RBFOX1: variants seen among roughly 807,000 people sequenced by gnomAD.
RBFOX1 encodes RNA binding fox-1 homolog 1, also known as RNA binding protein fox-1 homolog 1.
In RBFOX1, 8 loss-of-function variants were observed where a neutral mutation model predicts 57.7. The observed-to-expected ratio is 0.14, with a 90% CI of 0.08 to 0.25. RBFOX1 has a LOEUF of 0.25. RBFOX1 is among the 10% of genes least tolerant of loss of function. RBFOX1 has a pLI of 1.00. For missense variants in RBFOX1, 611 were observed against 548.5 expected (o/e 1.11, Z -1.14); for synonymous variants, 326 against 222.4 (o/e 1.47, Z -4.15).
At chr16:5,915,724 C>A (rs1230051673) in intron 4 of RBFOX1, among the ~76,000 whole-genome samples, 1 of 152,030 alleles carries the variant, frequency 6.6e-6, no homozygotes, top group Non-Finnish European at 1.5e-5. Flanking sequence ...CTCAGCTACT[C>A]CGGAGGCTGA....
intron 3 of RBFOX1, among the ~76,000 whole-genome samples, chr16:6,941,382 T>A (rs963077202): frequency 6.7e-6 from 1 of 148,434 alleles, no homozygotes; most frequent in Non-Finnish European, 1.5e-5. Context: ...GCAAGTAGAT[T>A]AGCCGTGTGG....
chr16:5,999,867 CAAAAAAAAAAAAAAAAA>C (rs869221577), intron 4 of RBFOX1, among the ~76,000 whole-genome samples: 22 of 27,664 alleles, frequency 8.0e-4, no homozygotes, highest in East Asian at 4.2e-3. Context: ...GACTCCACCT[CAAAAAAAAAAAAAAAAA>C]AAAAAAAAAA....
intron 2 of RBFOX1, among the ~76,000 whole-genome samples, chr16:6,632,351 G>C (rs563976394): frequency 1.3e-5 from 2 of 152,012 alleles, no homozygotes. Context: ...AAAAAAAAAG[G>C]TCTGAACTTG....
intron 4 of RBFOX1, among the ~76,000 whole-genome samples, chr16:7,374,765 C>G (rs982496558): frequency 6.6e-6 from 1 of 152,234 alleles, no homozygotes; most frequent in African/African-American, 2.4e-5. Context: ...TTTGTTTTCA[C>G]AGCATCAAGA....
chr16:5,674,800 G>C (rs1056452072), intron 3 of RBFOX1, among the ~76,000 whole-genome samples: 1 of 152,186 alleles, frequency 6.6e-6, no homozygotes, highest in Non-Finnish European at 1.5e-5. Flanking sequence ...CTGTTGGACA[G>C]ATTCAGATAT....
intron 1 of RBFOX1, among the ~76,000 whole-genome samples, chr16:6,284,062 A>G (rs995948689): frequency 1.3e-5 from 2 of 152,194 alleles, no homozygotes; most frequent in Admixed American, 6.5e-5. Context: ...TGTTTTTAAC[A>G]TTATTCCATA....
At chr16:6,677,812 G>A (rs1275172788) in intron 3 of RBFOX1, among the ~76,000 whole-genome samples, 1 of 152,080 alleles carries the variant, frequency 6.6e-6, no homozygotes, top group African/African-American at 2.4e-5. Flanking sequence ...TGGTGGCAGA[G>A]CTTTTTATGT....
At chr16:7,120,723 C>G (rs535090618) in intron 4 of RBFOX1, among the ~76,000 whole-genome samples, 80 of 148,866 alleles carry the variant, frequency 5.4e-4, no homozygotes, top group African/African-American at 1.9e-3. Context: ...TACACAGTCT[C>G]TTACAGAAAA....
intron 2 of RBFOX1, among the ~76,000 whole-genome samples, chr16:5,523,510 G>C (rs2044110614): frequency 6.6e-6 from 1 of 152,068 alleles, no homozygotes; most frequent in Non-Finnish European, 1.5e-5. Flanking sequence ...CAGCTACTAG[G>C]GAGGCTGAGG....
chr16:7,568,709 C>A (rs1234242496), intron 5 of RBFOX1, among the ~76,000 whole-genome samples: 1 of 151,620 alleles, frequency 6.6e-6, no homozygotes, highest in Non-Finnish European at 1.5e-5. Context: ...CATGGTGAAA[C>A]CCCGACTCTA....
intron 4 of RBFOX1, among the ~76,000 whole-genome samples, chr16:7,384,747 C>G (rs61398351): frequency 0.016 from 2,469 of 152,288 alleles, 75 homozygotes; most frequent in African/African-American, 0.056. Context: ...CTCTCATTCA[C>G]TCAACAAATA....
intron 2 of RBFOX1, among the ~76,000 whole-genome samples, chr16:6,554,982 C>G (rs1434246521): frequency 6.6e-6 from 1 of 152,130 alleles, no homozygotes; most frequent in African/African-American, 2.4e-5. Context: ...GTTCTTTTCC[C>G]AAAGGAACCA....
intron 4 of RBFOX1, among the ~76,000 whole-genome samples, chr16:7,310,655 T>A (rs1324133695): frequency 6.6e-6 from 1 of 152,202 alleles, no homozygotes; most frequent in African/African-American, 2.4e-5. Context: ...CTACTTAATA[T>A]TTTTTAAAAT....
chr16:6,362,685 G>A (rs1377571722), intron 2 of RBFOX1, among the ~76,000 whole-genome samples: 1 of 152,212 alleles, frequency 6.6e-6, no homozygotes, highest in Non-Finnish European at 1.5e-5. Context: ...ACTGGTTCTG[G>A]TCTAGCTTGG....
At chr16:6,810,419 C>A (rs192495719) in intron 3 of RBFOX1, among the ~76,000 whole-genome samples, 164 of 152,134 alleles carry the variant, frequency 1.1e-3, no homozygotes, top group Non-Finnish European at 1.8e-3. Flanking sequence ...GGTACTTTTT[C>A]CTGGGAGAAG....
chr16:6,751,035 G>C (rs2074840233), intron 3 of RBFOX1, among the ~76,000 whole-genome samples: 1 of 152,164 alleles, frequency 6.6e-6, no homozygotes, highest in South Asian at 2.1e-4. Flanking sequence ...CAAGGGCCCT[G>C]ATGTGGGAAA....
At chr16:5,988,463 G>A (rs112426210) in intron 4 of RBFOX1, among the ~76,000 whole-genome samples, 166 of 152,288 alleles carry the variant, frequency 1.1e-3, no homozygotes, top group African/African-American at 3.8e-3. Flanking sequence ...TGATTGGGAT[G>A]AATTCCTGTC....
intron 3 of RBFOX1, among the ~76,000 whole-genome samples, chr16:5,755,632 C>T (rs997894698): frequency 2.6e-5 from 4 of 152,192 alleles, no homozygotes; most frequent in Admixed American, 2.6e-4. Flanking sequence ...GTGTTTCACT[C>T]TTGTTGCCTA....
At chr16:6,624,676 G>T (rs932970933) in intron 2 of RBFOX1, among the ~76,000 whole-genome samples, 3 of 152,086 alleles carry the variant, frequency 2.0e-5, no homozygotes, top group African/African-American at 7.2e-5. Flanking sequence ...GGCATTTCTT[G>T]AGGTCACCAG....
Sources: allele counts gnomAD v4.1 joint callset (sites outside exome capture counted in the v4.1 genomes callset), GRCh38; gene constraint gnomAD v4.1.1; transcripts MANE v1.5; gene names NCBI Gene and HGNC (gene_info 2026-07-23, HGNC 2026-07-21).